The following SLC8A1 variants were observed in gnomAD, a reference collection of about 807,000 sequenced individuals.
The protein encoded by SLC8A1 is solute carrier family 8 member A1.
A neutral mutation model predicts 68.3 loss-of-function variants in SLC8A1; 18 were observed. The observed-to-expected ratio is 0.26, with a 90% confidence interval of 0.18 to 0.39. The LOEUF is 0.39. SLC8A1 is among the 10% of genes least tolerant of loss of function. The pLI, the probability that SLC8A1 is intolerant of heterozygous loss-of-function variation, is 1.00. For synonymous variants in SLC8A1, 475 were observed against 415.5 expected (o/e 1.14, Z -1.74); for missense variants, 985 against 1,156.7 (o/e 0.85, Z 2.15).
At chr2:40,209,453 G>A (rs947824944) in intron 2 of SLC8A1, among the ~76,000 whole-genome samples, 23 of 152,102 alleles carry the variant, frequency 1.5e-4, no homozygotes, top group Middle Eastern at 3.2e-3. Context: ...TGGTTGGTGG[G>A]GCCAGATCAC....
chr2:40,421,751 G>C (rs542492449), intron 2 of SLC8A1, among the ~76,000 whole-genome samples: 2 of 152,234 alleles, frequency 1.3e-5, no homozygotes, highest in African/African-American at 4.8e-5. Context: ...ACAGCACCAA[G>C]TCCTCAGGAG....
rs541481970 is a variant in SLC8A1, at chr2:40,328,582, C to T, written c.1808+99891G>A. Among the ~76,000 whole-genome samples the T allele has an allele frequency of 5.3e-5, 8 of 152,202 alleles. No homozygotes were observed. In the East Asian group the frequency reaches 5.8e-4, roughly 11 times the overall value. On this transcript the variant is annotated intron_variant, in intron 2 of 7. Transcript: ENST00000406785. ...TCAGCTCTCAATTCTCATTTTTGTT[C>T]GCATACATACATTTTCCACTGCCTC...
At chr2:40,415,975 T>C (rs754566668) in intron 2 of SLC8A1, among the ~76,000 whole-genome samples, 4 of 149,168 alleles carry the variant, frequency 2.7e-5, no homozygotes, top group Admixed American at 6.7e-5. Context: ...GGCAGGAGAA[T>C]TGCTTGAACC....
chr2:40,119,971 T>C (rs770119430), intron 7 of SLC8A1, among the ~76,000 whole-genome samples: 4 of 152,214 alleles, frequency 2.6e-5, no homozygotes, highest in Non-Finnish European at 4.4e-5. Context: ...TCATGGTATA[T>C]TACCTTGCCC....
intron 1 of SLC8A1, among the ~76,000 whole-genome samples, chr2:40,475,499 A>G (rs541360476): frequency 7.9e-5 from 12 of 152,220 alleles, no homozygotes; most frequent in Admixed American, 2.0e-4. Context: ...TATTTATTGT[A>G]TTTGAAGTTA....
chr2:40,195,164 G>A (rs1317745726), intron 2 of SLC8A1, among the ~76,000 whole-genome samples: 1 of 152,060 alleles, frequency 6.6e-6, no homozygotes, highest in African/African-American at 2.4e-5. Context: ...GCAAAAACCA[G>A]TTAGAAAGTC....
At chr2:40,155,556 C>G (rs2044318057) in intron 6 of SLC8A1, among the ~76,000 whole-genome samples, 1 of 152,190 alleles carries the variant, frequency 6.6e-6, no homozygotes, top group Admixed American at 6.5e-5. Flanking sequence ...AAGTCTCCTG[C>G]TTAGACCAGA....
chr2:40,254,504 T>C (rs925853431), intron 2 of SLC8A1: 3 of 114,266 alleles, frequency 2.6e-5, no homozygotes, highest in Non-Finnish European at 5.9e-5. Context: ...CTCTTGAAAA[T>C]ATCAAAAACA....
At position 40,401,621 on chromosome 2, in the gene SLC8A1, T is replaced by C. The variant is rs1273437015; in HGVS notation, c.1808+26852A>G. Among the ~76,000 whole-genome samples, 3 of 125,622 alleles carry C rather than the reference T, an allele frequency of 2.4e-5. No individual in the cohort carries two copies. The East Asian group carries it at 6.4e-4, about 27-fold the overall frequency. 82.4% of individuals were successfully genotyped at this position (125,622 alleles called of 152,430 possible). On this transcript the variant is annotated intron_variant, in intron 2 of 7. Coordinates refer to ENST00000406785, the Ensembl canonical transcript of SLC8A1. Reference sequence around the variant, plus strand: ...AAAAGAAAGCTTTGTGAGTTCTTAATATGTATTTTTTGTCACATTAAGTGA... The same window carrying C: ...AAAAGAAAGCTTTGTGAGTTCTTAACATGTATTTTTTGTCACATTAAGTGA...
At chr2:40,277,769 T>C (rs543017986) in intron 2 of SLC8A1, among the ~76,000 whole-genome samples, 23 of 138,070 alleles carry the variant, frequency 1.7e-4, no homozygotes, top group African/African-American at 6.3e-4. Flanking sequence ...CATATAAACA[T>C]ATGTATAAAT....
At chr2:40,209,141 A>G (rs2056085355) in intron 2 of SLC8A1, 1 of 152,176 alleles carries the variant, frequency 6.6e-6, no homozygotes, top group Non-Finnish European at 1.5e-5. Context: ...TGCTATGGAA[A>G]GAGTACAGGA....
Position 40,155,331 on chromosome 2 carries a change from G to C in SLC8A1, c.2161+5434C>G, listed in dbSNP as rs62150905. On this transcript the variant is annotated intron_variant, in intron 6 of 7. Transcript: ENST00000406785. ...TTTTAAGTAGAGAGGTGGTTTCACC[G>C]TGTTAGCCAGGATGGTCTCCATCTC... Among the ~76,000 whole-genome samples the C allele has an allele frequency of 8.3e-3, 1,255 of 152,068 alleles. 7 individuals are homozygous for C. The highest frequency in any genetic ancestry group is 0.02 in the Middle Eastern group (6 of 294).
intron 7 of SLC8A1, among the ~76,000 whole-genome samples, chr2:40,128,613 C>T (rs578117698): frequency 1.3e-5 from 2 of 152,238 alleles, no homozygotes; most frequent in African/African-American, 4.8e-5. Flanking sequence ...TCAGGTACTG[C>T]CCTAAGAGTC....
chr2:40,227,061 G>A (rs1181231069), intron 2 of SLC8A1, among the ~76,000 whole-genome samples: 2 of 152,044 alleles, frequency 1.3e-5, no homozygotes, highest in East Asian at 3.9e-4. Context: ...AATACTTCCA[G>A]ACCCTCTTTC....
chr2:40,511,118 G>A (rs1171932464), intron 1 of SLC8A1, among the ~76,000 whole-genome samples: 9 of 152,130 alleles, frequency 5.9e-5, no homozygotes. Flanking sequence ...ATCAGAGAAG[G>A]AAGGTCACAT....
chr2:40,239,324 C>T (rs188071117), intron 2 of SLC8A1, among the ~76,000 whole-genome samples: 2 of 152,290 alleles, frequency 1.3e-5, no homozygotes, highest in Non-Finnish European at 2.9e-5. Context: ...CTGAGTGGCA[C>T]ACACCAAGAT....
chr2:40,470,930 C>T (rs1703956867), intron 1 of SLC8A1, among the ~76,000 whole-genome samples: 1 of 152,050 alleles, frequency 6.6e-6, no homozygotes, highest in African/African-American at 2.4e-5. Context: ...TAACACATAC[C>T]ACTGTATCTT....
intron 2 of SLC8A1, among the ~76,000 whole-genome samples, chr2:40,311,726 T>G (rs1184076187): frequency 2.0e-5 from 3 of 152,176 alleles, no homozygotes; most frequent in Non-Finnish European, 2.9e-5. Context: ...CTTCTATTTT[T>G]TTTTCTGGAA....
At chr2:40,212,289 T>TTTTTTTG (rs1558775421) in intron 2 of SLC8A1, among the ~76,000 whole-genome samples, 2 of 145,622 alleles carry the variant, frequency 1.4e-5, no homozygotes, top group East Asian at 2.0e-4. Context: ...ATATCTTTTT[T>TTTTTTTG]TTTTTTTTTT....
Sources: gnomAD v4.1 joint callset for allele counts (sites outside exome capture counted in the v4.1 genomes callset) on GRCh38, gnomAD v4.1.1 for gene constraint, MANE v1.5 for transcripts, NCBI Gene and HGNC (gene_info 2026-07-23, HGNC 2026-07-21) for gene names.